Variants in RNF220 observed in about 807,000 individuals in gnomAD.
RNF220 encodes the protein E3 ubiquitin-protein ligase RNF220.
RNF220 carries 7 observed loss-of-function variants against 67.1 expected under a neutral mutation model. The observed-to-expected ratio is 0.10, with a 90% CI of 0.06 to 0.20. The LOEUF is 0.20. Ranked by LOEUF, RNF220 falls within the 10% of genes least tolerant of loss-of-function variation. RNF220 has a pLI of 1.00. For synonymous variants in RNF220, 270 were observed against 283.2 expected, an observed-to-expected ratio of 0.95 and a Z score of 0.47; for missense variants, 565 against 740.3, an observed-to-expected ratio of 0.76 and a Z score of 2.75.
intron 2 of RNF220, among the ~76,000 whole-genome samples, chr1:44,547,619 A>C (rs1327218875): frequency 6.6e-6 from 1 of 151,764 alleles, no homozygotes; most frequent in Non-Finnish European, 1.5e-5. Flanking sequence ...TAATCTGATG[A>C]GCTCATCCAT....
intron 2 of RNF220, among the ~76,000 whole-genome samples, chr1:44,537,435 C>T (rs1312127043): frequency 6.6e-6 from 1 of 151,782 alleles, no homozygotes; most frequent in African/African-American, 2.4e-5. Flanking sequence ...TGAACACCTT[C>T]TACAAAAAAA....
chr1:44,649,818 T>C lies in RNF220; in HGVS notation c.1554+49T>C. On this transcript the variant is annotated intron_variant, in intron 13 of 14. Transcript: ENST00000361799. The surrounding 1 kb of genome is among the most constrained non-coding windows in gnomAD (Gnocchi z 5.9). ...TGCCCTTGGTCAGGCTTCCACGCCC[T>C]CTGGGGGAGTTGGAGAGGGTGGGCC... 2.0e-5 allele frequency: 32 copies of C among 1,613,544 alleles called. No individual in the cohort carries two copies. Among genetic ancestry groups the C allele is most frequent in the Non-Finnish European group, 2.5e-5 (30 of 1,179,526 alleles).
At chr1:44,632,529 A>C in intron 6 of RNF220, 144 bp downstream of exon 6, 1 of 776,306 alleles carries the variant, frequency 1.3e-6, no homozygotes, top group Non-Finnish European at 2.2e-6. Context: ...GAGTATGTGC[A>C]AACCAAAGCT....
chr1:44,573,484 C>A (rs563490726), intron 2 of RNF220, among the ~76,000 whole-genome samples: 1 of 152,258 alleles, frequency 6.6e-6, no homozygotes, highest in Admixed American at 6.5e-5. Flanking sequence ...TAGCAGTGGG[C>A]ATCATGGAAA....
intron 4 of RNF220, among the ~76,000 whole-genome samples, chr1:44,625,442 C>T (rs1557450961): frequency 6.6e-6 from 1 of 152,206 alleles, no homozygotes; most frequent in Non-Finnish European, 1.5e-5. Flanking sequence ...GGATAAATGG[C>T]TGCTCCATCT....
chr1:44,616,674 A>T (rs1471837052), intron 3 of RNF220, among the ~76,000 whole-genome samples: 6 of 151,492 alleles, frequency 4.0e-5, no homozygotes, highest in Non-Finnish European at 8.8e-5. Flanking sequence ...GCTGGGTTCC[A>T]TATTTTGGCT....
At chr1:44,407,350 G>A (rs1168394121) in intron 1 of RNF220, among the ~76,000 whole-genome samples, 1 of 152,222 alleles carries the variant, frequency 6.6e-6, no homozygotes, top group Non-Finnish European at 1.5e-5. Flanking sequence ...AGCAGAGTGG[G>A]CAGGGGGGCT....
At chr1:44,530,531 C>CAAAAAAAAAAAAAAA (rs34069585) in intron 2 of RNF220, among the ~76,000 whole-genome samples, 1 of 136,454 alleles carries the variant, frequency 7.3e-6, no homozygotes. Flanking sequence ...GTCAAATCTG[C>CAAAAAAAAAAAAAAA]AAAAAAAAAA....
intron 2 of RNF220, chr1:44,419,195 G>C (rs1328361328): frequency 1.3e-5 from 2 of 152,174 alleles, no homozygotes; most frequent in Non-Finnish European, 2.9e-5. Flanking sequence ...TTTTTTTTAA[G>C]TATCATTTAA....
intron 2 of RNF220, 131 bp from the exon 3 acceptor site, chr1:44,614,034 C>T: frequency 8.1e-7 from 1 of 1,231,298 alleles, no homozygotes; most frequent in South Asian, 1.5e-5. Context: ...GCTCTGAAAC[C>T]CTCAGGCCCC....
intron 2 of RNF220, among the ~76,000 whole-genome samples, chr1:44,475,774 G>A (rs2148006786): frequency 7.2e-6 from 1 of 138,214 alleles, no homozygotes; most frequent in Non-Finnish European, 1.5e-5. Flanking sequence ...AGCACTTTGG[G>A]AGGCCGAGGT....
At chr1:44,603,498 G>A (rs1286995051) in intron 2 of RNF220, among the ~76,000 whole-genome samples, 4 of 152,276 alleles carry the variant, frequency 2.6e-5, no homozygotes, top group African/African-American at 9.6e-5. Context: ...CAGAGCTCCT[G>A]GGAGGCTGAG....
chr1:44,580,580 C>T (rs936427135), intron 2 of RNF220, among the ~76,000 whole-genome samples: 2 of 152,176 alleles, frequency 1.3e-5, no homozygotes, highest in Admixed American at 6.5e-5. Context: ...TCTAAACAGC[C>T]GAAGCTCCCC....
In RNF220 at chr1:44,412,118, C is replaced by T; in HGVS notation, c.21C>T (p.Ala7=). 1 of 1,612,756 alleles carries T rather than the reference C, an allele frequency of 6.2e-7. No homozygotes were observed. Among genetic ancestry groups the T allele is most frequent in the Non-Finnish European group, 8.5e-7 (1 of 1,178,982 alleles). The part of the protein sequence containing the change: MDLHRA[A]FKMENSSYLP... ...CTCCGATGGACTTACACCGGGCAGCCTTCAAGATGGAGAACTCATCCTACC... is the reference window on the plus strand; with the variant it reads ...CTCCGATGGACTTACACCGGGCAGCTTTCAAGATGGAGAACTCATCCTACC... Residue 7 remains alanine, a synonymous_variant, in exon 2 of 15, where the codon GCC becomes GCT. Coordinates refer to ENST00000361799, the MANE Select transcript of RNF220 (RefSeq NM_018150.4). This position sits in a 1 kb window ranked among gnomAD's most constrained non-coding sequence, Gnocchi z 5.3.
intron 2 of RNF220, among the ~76,000 whole-genome samples, chr1:44,512,690 T>C (rs1461427270): frequency 2.6e-5 from 4 of 152,210 alleles, no homozygotes; most frequent in African/African-American, 7.2e-5. Flanking sequence ...TCTGTTTAGC[T>C]TGGCTAAGTG....
At chr1:44,484,251 GA>G (rs1557970299) in intron 2 of RNF220, among the ~76,000 whole-genome samples, 1 of 151,770 alleles carries the variant, frequency 6.6e-6, no homozygotes, top group Non-Finnish European at 1.5e-5. Context: ...TGGCATAGAA[GA>G]AAAAAAAGAG....
In RNF220 at chr1:44,539,664, G is replaced by A. The variant is rs569257219; in HGVS notation, c.626-74501G>A. Among the ~76,000 whole-genome samples, 6 of 152,298 alleles carry A rather than the reference G, an allele frequency of 3.9e-5. No individual in the cohort carries two copies. In the East Asian group the frequency reaches 1.2e-3, roughly 29 times the overall value. ...CACAGAAAAGGTAACACTAAAGTCA[G>A]TCTTAAAGGATGAGTAGTGTTTACT... On this transcript the variant is annotated intron_variant, in intron 2 of 14. Transcript: ENST00000361799.
intron 1 of RNF220, 34 bp from the exon 2 acceptor site, chr1:44,411,947 C>T: frequency 1.2e-6 from 1 of 822,476 alleles, no homozygotes; most frequent in Non-Finnish European, 1.8e-6. Context: ...TGACTTTCCT[C>T]CCCCTTCTTT....
chr1:44,644,505 T>G, intron 8 of RNF220, 193 bp from the exon 9 acceptor site: 3 of 570,794 alleles, frequency 5.3e-6, no homozygotes, highest in Non-Finnish European at 9.4e-6. Context: ...CAGAGAAAGA[T>G]GAGGTTTGCA....
Sources: allele counts gnomAD v4.1 joint callset (sites outside exome capture counted in the v4.1 genomes callset), GRCh38; gene constraint gnomAD v4.1.1; non-coding constraint Gnocchi (gnomAD v3.1); transcripts MANE v1.5; gene names NCBI Gene and HGNC (gene_info 2026-07-23, HGNC 2026-07-21).